CASS4: variants seen among roughly 807,000 people sequenced by gnomAD.
CASS4 encodes Cas scaffold protein family member 4.
Under a neutral mutation model 54.2 loss-of-function variants are expected in CASS4, and 22 were observed. The observed-to-expected ratio is 0.41, with a 90% CI of 0.29 to 0.58. The LOEUF (loss-of-function observed/expected upper bound fraction) is 0.58, where lower values mean the gene tolerates loss of function less well. CASS4 is among the 20% of genes least tolerant of loss of function. The probability of loss-of-function intolerance (pLI) is 0.36; values close to 1 mark genes in which losing one functional copy is unlikely to be tolerated. For synonymous variants in CASS4, 409 were observed against 391.5 expected (o/e 1.04, Z -0.53); for missense variants, 854 against 986.7 (o/e 0.87, Z 1.80).
Position 56,452,536 on chromosome 20 carries a change from T to C in CASS4, c.1360T>C (p.Ser454Pro). Reference sequence around the variant, plus strand: ...GGCTCTGCAGCACAAGGTGGTCAGCTCTGTCGCTGGCCTGATGCTCTTTGT... The same window carrying C: ...GGCTCTGCAGCACAAGGTGGTCAGCCCTGTCGCTGGCCTGATGCTCTTTGT... ...VMALQHKVVS[S>P]VAGLMLFVSR... Residue 454 changes from serine to proline, a missense_variant, in exon 5 of 6, where the codon TCT becomes CCT. By Grantham distance (74) the Ser-to-Pro change is moderately conservative. Transcript: ENST00000679887. 6.2e-7 allele frequency: 1 copy of C among 1,614,130 alleles called. No homozygotes were observed. The highest frequency in any genetic ancestry group is 8.5e-7 in the Non-Finnish European group (1 of 1,180,000).
intron 3 of CASS4, among the ~76,000 whole-genome samples, chr20:56,449,406 C>A (rs1033941079): frequency 6.6e-6 from 1 of 150,630 alleles, no homozygotes; most frequent in Non-Finnish European, 1.5e-5. Flanking sequence ...GGGAAATGAA[C>A]AATGAGAACA....
intron 1 of CASS4, among the ~76,000 whole-genome samples, chr20:56,435,836 C>T (rs979531992): frequency 4.6e-5 from 7 of 152,076 alleles, no homozygotes; most frequent in Admixed American, 3.3e-4. Context: ...TTGCAACCTC[C>T]GCCTCCAGGG....
chr20:56,458,633 G>A lies in CASS4; in HGVS notation c.2247G>A (p.Leu749=). ...GCAGCCTGCTCAAGGACGTAGCGCT[G>A]GCCACTAAGAATGCCGTGCTCACGT... is the stretch of plus-strand genomic sequence containing the variant. The part of the protein sequence containing the change: ...HLCSLLKDVA[L]ATKNAVLTYP... Residue 749 remains leucine, a synonymous_variant, in exon 6 of 6, where the codon CTG becomes CTA. Coordinates refer to ENST00000679887, the MANE Select transcript of CASS4 (RefSeq NM_020356.4). The A allele has an allele frequency of 6.2e-7, 1 of 1,613,798 alleles. No homozygotes were observed. The highest frequency in any genetic ancestry group is 8.5e-7 in the Non-Finnish European group (1 of 1,179,940).
At chr20:56,425,051 T>C (rs1979575625) in intron 1 of CASS4, among the ~76,000 whole-genome samples, 2 of 152,206 alleles carry the variant, frequency 1.3e-5, no homozygotes, top group African/African-American at 4.8e-5. Context: ...GTCCTGATAC[T>C]GCATATCCTA....
At position 56,458,923 on chromosome 20, in the gene CASS4, C is replaced by T. The variant is rs191568729; in HGVS notation, c.*176C>T. 6 of 608,330 alleles carry T rather than the reference C, an allele frequency of 9.9e-6. No homozygotes were observed. The highest frequency in any genetic ancestry group is 8.3e-5 in the East Asian group (3 of 36,034). 37.7% of individuals were successfully genotyped at this position (608,330 alleles called of 1,614,324 possible). A position where few individuals can be genotyped will look rare whatever the true frequency, so the allele number is the denominator to read the frequency against. ...GCAACCCCAGGGCATTGACTTACCC[C>T]GCAGGGGGTCAGGAAAGAGAGTCAG... On this transcript the variant is annotated 3_prime_UTR_variant, in exon 6 of 6. Coordinates refer to ENST00000679887, the MANE Select transcript of CASS4 (RefSeq NM_020356.4).
At chr20:56,417,534 G>C (rs1200755064) in intron 1 of CASS4, among the ~76,000 whole-genome samples, 2 of 152,166 alleles carry the variant, frequency 1.3e-5, no homozygotes, top group Admixed American at 1.3e-4. Flanking sequence ...TTGTTCCTCT[G>C]TCTTCCTCTC....
At position 56,437,623 on chromosome 20, in the gene CASS4, G is replaced by T; in HGVS notation, c.459+37G>T. ...TCCACCTACTAGACATGGGTTGAGGGGTATGGAAACACCCAGAGGCCTAAC... is the reference window on the plus strand; with the variant it reads ...TCCACCTACTAGACATGGGTTGAGGTGTATGGAAACACCCAGAGGCCTAAC... On this transcript the variant is annotated intron_variant, in intron 2 of 5. Coordinates refer to ENST00000679887, the MANE Select transcript of CASS4 (RefSeq NM_020356.4). This position sits in a 1 kb window ranked among gnomAD's most constrained non-coding sequence, Gnocchi z 4.7. The T allele has an allele frequency of 1.3e-6, 2 of 1,497,650 alleles. No individual in the cohort carries two copies. 92.8% of individuals were successfully genotyped at this position (1,497,650 alleles called of 1,614,324 possible).
At chr20:56,443,158 G>A (rs943281877) in intron 2 of CASS4, among the ~76,000 whole-genome samples, 3 of 151,530 alleles carry the variant, frequency 2.0e-5, no homozygotes, top group South Asian at 2.1e-4. Flanking sequence ...TGGGTGTGGC[G>A]GGTGCATAGC....
At chr20:56,413,388 T>C (rs1221089924) in intron 1 of CASS4, among the ~76,000 whole-genome samples, 2 of 151,894 alleles carry the variant, frequency 1.3e-5, no homozygotes, top group African/African-American at 2.4e-5. Flanking sequence ...AAGTGACTAG[T>C]GTGGCTGTCT....
chr20:56,440,553 C>T (rs1203988519), intron 2 of CASS4, among the ~76,000 whole-genome samples: 1 of 152,198 alleles, frequency 6.6e-6, no homozygotes, highest in Non-Finnish European at 1.5e-5. Context: ...AATACAATGA[C>T]AGGCTCCTAC....
rs1002316847 is a variant in CASS4 at position 56,432,315 on chromosome 20, GA to G, written c.37-4841del. The stretch of plus-strand genomic sequence containing the variant: ...CGGCAATTATTTGTCTATTTAACTG[GA>G]AAAAAAATCTGCAAAGTAGCATGTA... On this transcript the variant is annotated intron_variant, in intron 1 of 5. Transcript: ENST00000679887. 4.8e-5 allele frequency among the ~76,000 whole-genome samples: 7 copies of G among 145,496 alleles called. No homozygotes were observed. The South Asian group carries it at 8.7e-4, about 18-fold the overall frequency.
intron 3 of CASS4, among the ~76,000 whole-genome samples, chr20:56,448,331 G>A (rs1433741933): frequency 6.6e-6 from 1 of 152,064 alleles, no homozygotes; most frequent in Non-Finnish European, 1.5e-5. Context: ...TGATGATTGA[G>A]TTTTTTGGTG....
intron 2 of CASS4, among the ~76,000 whole-genome samples, chr20:56,444,279 C>T (rs1179968084): frequency 1.3e-5 from 2 of 152,146 alleles, no homozygotes; most frequent in East Asian, 3.9e-4. Context: ...CCTCTGCCTG[C>T]GTTCCCCTCC....
intron 3 of CASS4, among the ~76,000 whole-genome samples, chr20:56,449,589 A>G (rs938266779): frequency 2.0e-5 from 3 of 152,276 alleles, no homozygotes; most frequent in Admixed American, 2.0e-4. Flanking sequence ...GTGCACATGT[A>G]CCTTAGAACT....
intron 2 of CASS4, among the ~76,000 whole-genome samples, chr20:56,438,629 C>T (rs561747883): frequency 6.6e-6 from 1 of 151,964 alleles, no homozygotes; most frequent in African/African-American, 2.4e-5. Context: ...GAGGCGGAGG[C>T]GGGCAGATCA....
At chr20:56,449,879 C>G (rs961768010) in intron 3 of CASS4, among the ~76,000 whole-genome samples, 1 of 152,184 alleles carries the variant, frequency 6.6e-6, no homozygotes, top group South Asian at 2.1e-4. Flanking sequence ...AGGAAAATTT[C>G]TACTGAGAAA....
chr20:56,444,537 C>T (rs751776243), intron 2 of CASS4, among the ~76,000 whole-genome samples: 6 of 152,090 alleles, frequency 3.9e-5, no homozygotes, highest in Non-Finnish European at 7.4e-5. Context: ...GAAAAATGTG[C>T]GCATTCCTAG....
chr20:56,454,054 G>C (rs140730428), intron 5 of CASS4, among the ~76,000 whole-genome samples: 1,615 of 152,102 alleles, frequency 0.011, 9 homozygotes, highest in Non-Finnish European at 0.018. Flanking sequence ...GGTGGTGTGC[G>C]CCTGTAATTC....
At chr20:56,421,194 C>A (rs1416594529) in intron 1 of CASS4, among the ~76,000 whole-genome samples, 1 of 152,158 alleles carries the variant, frequency 6.6e-6, no homozygotes, top group Admixed American at 6.6e-5. Flanking sequence ...AAGTGTGGTG[C>A]ACAGAACAGT....
Sources: allele counts gnomAD v4.1 joint callset (sites outside exome capture counted in the v4.1 genomes callset), GRCh38; gene constraint gnomAD v4.1.1; non-coding constraint Gnocchi (gnomAD v3.1); transcripts MANE v1.5; gene names NCBI Gene and HGNC (gene_info 2026-07-23, HGNC 2026-07-21).